INTS13: variants seen among roughly 807,000 people sequenced by gnomAD.
INTS13 encodes integrator complex subunit 13, also known as asunder, spermatogenesis regulator homolog (Drosphila).
In INTS13, 35 loss-of-function variants were observed where a neutral mutation model predicts 90.2. The ratio of observed to expected loss-of-function variants is 0.39; its 90% CI spans 0.30 to 0.51. The LOEUF is 0.51. Among genes scored for constraint, INTS13 ranks in the 20% least tolerant of loss-of-function variants. INTS13 has a pLI of 0.80. For missense variants in INTS13, 601 were observed against 851.2 expected, an observed-to-expected ratio of 0.71 and a Z score of 3.66; for synonymous variants, 309 against 277.1, an observed-to-expected ratio of 1.11 and a Z score of -1.14.
Position 26,906,604 on chromosome 12 carries a change from C to T in INTS13, c.1946-167G>A, listed in dbSNP as rs567716664. 349 of 711,540 alleles carry T rather than the reference C, an allele frequency of 4.9e-4. 4 individuals carry two copies. In the South Asian group the frequency reaches 5.2e-3, roughly 11 times the overall value. 44.1% of individuals were successfully genotyped at this position (711,540 alleles called of 1,614,324 possible). A position where few individuals can be genotyped will look rare whatever the true frequency, so the allele number is the denominator to read the frequency against. On this transcript the variant is annotated intron_variant, in intron 15 of 16. Transcript: ENST00000261191. Reference sequence around the variant, plus strand: ...GATTAAGGCAATCATTTTCCTCTTACTCTAAAATTTATGTGTTTCAGGGTC... The same window carrying T: ...GATTAAGGCAATCATTTTCCTCTTATTCTAAAATTTATGTGTTTCAGGGTC...
chr12:26,937,495 C>G (rs1938532405), intron 1 of INTS13, among the ~76,000 whole-genome samples: 1 of 152,220 alleles, frequency 6.6e-6, no homozygotes, highest in Non-Finnish European at 1.5e-5. Flanking sequence ...AAATTTAAAA[C>G]TTTTAAAACT....
At chr12:26,905,572 AAT>A (rs1951584814) in intron 16 of INTS13, 36 bp from the exon 17 acceptor site, 1 of 1,574,504 alleles carries the variant, frequency 6.4e-7, no homozygotes, top group East Asian at 2.3e-5. Context: ...TGATAAAATA[AAT>A]ATTCATTAAC....
chr12:26,914,571 C>A lies in INTS13; in HGVS notation c.1256G>T (p.Gly419Val), dbSNP rs1275730299. Residue 419 changes from glycine to valine, a missense_variant, in exon 12 of 17, where the codon GGT becomes GTT. This residue lies in a region of INTS13 where 89 missense variants were observed against 191.0 expected (regional missense o/e 0.47). Transcript: ENST00000261191. ...TAATCTGTTTTCCCTCATAAATTCACCAAAATCCTAATGATAACCAAATAA... is the reference window on the plus strand; with the variant it reads ...TAATCTGTTTTCCCTCATAAATTCAACAAAATCCTAATGATAACCAAATAA... ...RVTDYRITDF[G>V]EFMRENRLTP... is the part of the protein sequence containing the mutation. The A allele has an allele frequency of 4.4e-6, 7 of 1,609,066 alleles. No individual in the cohort carries two copies. Among genetic ancestry groups the A allele is most frequent in the Non-Finnish European group, 5.9e-6 (7 of 1,177,194 alleles).
chr12:26,927,499 G>GT (rs1274422072), intron 5 of INTS13, among the ~76,000 whole-genome samples: 2 of 152,046 alleles, frequency 1.3e-5, no homozygotes, highest in Non-Finnish European at 1.5e-5. Flanking sequence ...AACAGAAAAA[G>GT]TTTTTTTAAA....
In INTS13 at chr12:26,931,649, A is replaced by G. The variant is rs558773953; in HGVS notation, c.301-2744T>C. Among the ~76,000 whole-genome samples, 19 of 152,330 alleles carry G rather than the reference A, an allele frequency of 1.2e-4. 1 individual carries two copies. The highest frequency in any genetic ancestry group is 4.3e-4 in the African/African-American group (18 of 41,580). On this transcript the variant is annotated intron_variant, in intron 3 of 16. Coordinates refer to ENST00000261191, the MANE Select transcript of INTS13 (RefSeq NM_018164.3). Reference sequence around the variant, plus strand: ...CTTGTAGACTGAAGTCTTCTATCCAACTAAATGATGGCAAAGAACATAAGC... The same window carrying G: ...CTTGTAGACTGAAGTCTTCTATCCAGCTAAATGATGGCAAAGAACATAAGC...
In INTS13 at chr12:26,936,611, T is replaced by C. The variant is rs758297958; in HGVS notation, c.193A>G (p.Ile65Val). 3.7e-6 allele frequency: 6 copies of C among 1,612,120 alleles called. No individual in the cohort carries two copies. The highest frequency in any genetic ancestry group is 8.5e-7 in the Non-Finnish European group (1 of 1,178,194). The part of the protein sequence containing the change: ...SVESSMEYCR[I>V]MYDIFPFKKL... The stretch of plus-strand genomic sequence containing the variant: ...TTGAAAGGAAATATATCATACATTA[T>C]TCTACAATATTCCATGGAAGATTCT... The change falls in exon 2 of 17, where the codon ATA becomes GTA. Residue 65 changes from isoleucine to valine, a missense_variant. Transcript: ENST00000261191.
At chr12:26,922,757 A>C in intron 7 of INTS13, 57 bp from the exon 8 acceptor site, 1 of 1,063,618 alleles carries the variant, frequency 9.4e-7, no homozygotes, top group Non-Finnish European at 1.3e-6. Flanking sequence ...AAAATAATAA[A>C]ATTATTAATT....
chr12:26,934,036 G>T (rs1486849878), intron 3 of INTS13, among the ~76,000 whole-genome samples: 1 of 152,186 alleles, frequency 6.6e-6, no homozygotes, highest in African/African-American at 2.4e-5. Context: ...CACAAGGGAA[G>T]GGGACAGGCA....
chr12:26,912,703 T>C (rs1410210521), intron 14 of INTS13, among the ~76,000 whole-genome samples: 1 of 150,528 alleles, frequency 6.6e-6, no homozygotes, highest in Non-Finnish European at 1.5e-5. Context: ...ATTTTTATAA[T>C]AGCACCTTCC....
At chr12:26,918,300 A>C (rs1360630881) in intron 8 of INTS13, among the ~76,000 whole-genome samples, 1 of 152,212 alleles carries the variant, frequency 6.6e-6, no homozygotes, top group Non-Finnish European at 1.5e-5. Context: ...AAACACTAAC[A>C]TTATCAAGTA....
At chr12:26,910,939 G>A (rs1336005605) in intron 15 of INTS13, among the ~76,000 whole-genome samples, 3 of 152,008 alleles carry the variant, frequency 2.0e-5, no homozygotes, top group East Asian at 1.9e-4. Flanking sequence ...AGGTGCAAGC[G>A]ACTCTCTAGC....
At chr12:26,910,470 T>C (rs1951738025) in intron 15 of INTS13, among the ~76,000 whole-genome samples, 1 of 152,162 alleles carries the variant, frequency 6.6e-6, no homozygotes, top group Admixed American at 6.5e-5. Flanking sequence ...CAAATTTCCA[T>C]GCTGTTCTCG....
intron 2 of INTS13, 137 bp from the exon 3 acceptor site, chr12:26,934,767 G>A: frequency 1.4e-6 from 1 of 733,016 alleles, no homozygotes; most frequent in Non-Finnish European, 2.4e-6. Flanking sequence ...AGAATGTGTA[G>A]TATATGCCAG....
intron 3 of INTS13, among the ~76,000 whole-genome samples, chr12:26,932,266 T>TG (rs1476328307): frequency 2.6e-5 from 4 of 152,072 alleles, no homozygotes; most frequent in Non-Finnish European, 5.9e-5. Context: ...TAAGTGCCCA[T>TG]GGAAACTAAA....
intron 15 of INTS13, among the ~76,000 whole-genome samples, chr12:26,909,738 G>A (rs531488079): frequency 3.8e-4 from 58 of 152,278 alleles, no homozygotes; most frequent in African/African-American, 1.4e-3. Flanking sequence ...ATGCCTGAAA[G>A]GCAAATATAA....
chr12:26,921,309 A>T (rs991675582), intron 8 of INTS13, among the ~76,000 whole-genome samples: 1 of 152,214 alleles, frequency 6.6e-6, no homozygotes, highest in Non-Finnish European at 1.5e-5. Context: ...AAATTTCAAA[A>T]TTTAATTTCT....
At chr12:26,920,780 A>G (rs1456887943) in intron 8 of INTS13, among the ~76,000 whole-genome samples, 4 of 152,198 alleles carry the variant, frequency 2.6e-5, no homozygotes, top group Non-Finnish European at 4.4e-5. Flanking sequence ...ATTTTCAAAA[A>G]CAAGTTCTCT....
Position 26,906,358 on chromosome 12 carries a change from A to G in INTS13, c.2025T>C (p.Arg675=). 1 of 1,612,946 alleles carries G rather than the reference A, an allele frequency of 6.2e-7. No individual in the cohort carries two copies. Among genetic ancestry groups the G allele is most frequent in the Non-Finnish European group, 8.5e-7 (1 of 1,179,400 alleles). ...NSRKHQEFAG[R]LNSVNNRAEL... is the part of the protein sequence containing the mutation. ...CAGCTCTGTTATTAACAGAGTTCAA[A>G]CGTCCAGCAAATTCCTGATGTTTTC... The change falls in exon 16 of 17, where the codon CGT becomes CGC. Residue 675 remains arginine (R), a synonymous_variant. Transcript: ENST00000261191.
intron 14 of INTS13, among the ~76,000 whole-genome samples, chr12:26,911,804 T>C (rs1951784223): frequency 6.6e-6 from 1 of 152,202 alleles, no homozygotes; most frequent in South Asian, 2.1e-4. Flanking sequence ...CAAAAACACT[T>C]GCAAAATATA....
Sources: allele counts gnomAD v4.1 joint callset (sites outside exome capture counted in the v4.1 genomes callset), GRCh38; gene constraint gnomAD v4.1.1; regional missense constraint gnomAD v4.1.1; transcripts MANE v1.5; gene names NCBI Gene and HGNC (gene_info 2026-07-23, HGNC 2026-07-21).